HDHD2: variants seen among roughly 807,000 people sequenced by gnomAD.
The protein encoded by HDHD2 is haloacid dehalogenase like hydrolase domain containing 2, also known as haloacid dehalogenase-like hydrolase domain-containing protein 2.
HDHD2 carries 26 observed loss-of-function variants against 24.8 expected under a neutral mutation model. The observed-to-expected ratio is 1.05, with a 90% CI of 0.77 to 1.45. HDHD2 has a LOEUF of 1.45. Among genes scored for constraint, HDHD2 ranks in the 40% most tolerant of loss-of-function variants. The pLI is 0.00. For missense variants in HDHD2, 299 were observed against 313.4 expected (o/e 0.95, Z 0.35); for synonymous variants, 128 against 114.9 (o/e 1.11, Z -0.73).
chr18:47,111,255 C>G (rs748800970), intron 6 of HDHD2: 7 of 985,002 alleles, frequency 7.1e-6, no homozygotes, highest in Non-Finnish European at 8.4e-6. Flanking sequence ...AATAAAATGC[C>G]AGTCACAATA....
chr18:47,114,507 T>A (rs1243916408), intron 5 of HDHD2, among the ~76,000 whole-genome samples: 1 of 152,192 alleles, frequency 6.6e-6, no homozygotes, highest in East Asian at 1.9e-4. Flanking sequence ...CAGTGTGCTT[T>A]CCAGCTGTTT....
At chr18:47,134,760 A>C (rs2063747696) in intron 2 of HDHD2, 56 bp from the exon 3 acceptor site, 1 of 1,391,290 alleles carries the variant, frequency 7.2e-7, no homozygotes, top group Non-Finnish European at 1.0e-6. Context: ...TGGCCCTATA[A>C]AATCTCCTAA....
At chr18:47,139,282 C>G (rs1568060002) in intron 1 of HDHD2, among the ~76,000 whole-genome samples, 1 of 147,854 alleles carries the variant, frequency 6.8e-6, no homozygotes, top group Non-Finnish European at 1.5e-5. Flanking sequence ...CATGGTGAAA[C>G]CCCATCTCTA....
chr18:47,126,862 A>C (rs2063663398), intron 4 of HDHD2, among the ~76,000 whole-genome samples: 2 of 152,186 alleles, frequency 1.3e-5, no homozygotes. Context: ...TTTAAAATGA[A>C]TTTCAAAAAC....
intron 3 of HDHD2, among the ~76,000 whole-genome samples, chr18:47,132,990 T>TC (rs779911090): frequency 1.7e-4 from 26 of 152,168 alleles, no homozygotes; most frequent in Non-Finnish European, 3.5e-4. Flanking sequence ...TGACCTGTGT[T>TC]CGTTTTTTTA....
At chr18:47,145,256 A>T (rs1322096395) in intron 1 of HDHD2, among the ~76,000 whole-genome samples, 1 of 152,258 alleles carries the variant, frequency 6.6e-6, no homozygotes, top group Non-Finnish European at 1.5e-5. Flanking sequence ...TGTGAATTTG[A>T]TAAGCTGATA....
intron 4 of HDHD2, among the ~76,000 whole-genome samples, chr18:47,122,020 G>A (rs2063612085): frequency 6.6e-6 from 1 of 152,128 alleles, no homozygotes; most frequent in African/African-American, 2.4e-5. Flanking sequence ...CACTTGGCAT[G>A]ATTGGTAATC....
In HDHD2 at chr18:47,115,301, TA is replaced by T. The variant is rs752524149; in HGVS notation, c.442del (p.Tyr148IlefsTer8). The T allele has an allele frequency of 6.2e-7, 1 of 1,613,864 alleles. No homozygotes were observed. On this transcript the variant is annotated frameshift_variant, in exon 5 of 7. Coordinates refer to ENST00000300605, the MANE Select transcript of HDHD2 (RefSeq NM_032124.5). LOFTEE classifies it high-confidence loss of function. ...APLIAIHKARYYKRKDGLALG... is the reference protein window; with the variant it reads ...APLIAIHKARXYKRKDGLALG... ...GGCTAAGCCATCTTTCCTCTTGTAATACCTGGCTTTGTGGATTGCTATCAGA... is the reference window on the plus strand; with the variant it reads ...GGCTAAGCCATCTTTCCTCTTGTAATCCTGGCTTTGTGGATTGCTATCAGA...
chr18:47,118,745 A>G (rs904190318), intron 4 of HDHD2, among the ~76,000 whole-genome samples: 4 of 152,208 alleles, frequency 2.6e-5, no homozygotes, highest in Non-Finnish European at 5.9e-5. Context: ...ATAAATTTAG[A>G]GCCACAGAAT....
intron 2 of HDHD2, among the ~76,000 whole-genome samples, chr18:47,135,262 T>C (rs541429481): frequency 6.4e-4 from 84 of 130,280 alleles, no homozygotes; most frequent in South Asian, 4.6e-3. Context: ...TTTTTTCTTT[T>C]TTTTTTTTTT....
intron 1 of HDHD2, among the ~76,000 whole-genome samples, chr18:47,145,847 G>A (rs981289811): frequency 4.6e-5 from 7 of 152,152 alleles, no homozygotes; most frequent in African/African-American, 1.2e-4. Context: ...GGGAAAAGAC[G>A]AGATTCCAGG....
chr18:47,113,725 T>C (rs566784546), intron 5 of HDHD2, among the ~76,000 whole-genome samples: 14 of 152,268 alleles, frequency 9.2e-5, no homozygotes, highest in Admixed American at 2.0e-4. Flanking sequence ...ATAAGCAGGA[T>C]TGATTCAGAC....
At chr18:47,141,325 T>C (rs2063817846) in intron 1 of HDHD2, among the ~76,000 whole-genome samples, 1 of 152,212 alleles carries the variant, frequency 6.6e-6, no homozygotes, top group Admixed American at 6.5e-5. Context: ...TACTGCTAGA[T>C]TCAAATACTA....
At chr18:47,133,330 C>CT (rs1184912305) in intron 3 of HDHD2, among the ~76,000 whole-genome samples, 1 of 151,920 alleles carries the variant, frequency 6.6e-6, no homozygotes, top group African/African-American at 2.4e-5. Flanking sequence ...TGAACTCATC[C>CT]TTTTTTATGG....
chr18:47,112,623 G>C (rs2063524287), intron 6 of HDHD2, among the ~76,000 whole-genome samples: 1 of 152,168 alleles, frequency 6.6e-6, no homozygotes, highest in Non-Finnish European at 1.5e-5. Flanking sequence ...AGTATCACAG[G>C]TATAGCCAGC....
intron 1 of HDHD2, among the ~76,000 whole-genome samples, chr18:47,147,017 G>A (rs1287755931): frequency 6.6e-6 from 1 of 152,038 alleles, no homozygotes; most frequent in African/African-American, 2.4e-5. Flanking sequence ...CTCTTCTATA[G>A]ATGATATATT....
chr18:47,108,342 C>A lies in HDHD2; in HGVS notation c.*340G>T, dbSNP rs1032044368. ...TCTTCACAGTCTGAAATCCCCCCTC[C>A]CTGTTTTCCAGTGAAGAGACAGCAG... On this transcript the variant is annotated 3_prime_UTR_variant, in exon 7 of 7. Coordinates refer to ENST00000300605, the MANE Select transcript of HDHD2 (RefSeq NM_032124.5). 1 of 199,464 alleles carries A rather than the reference C, an allele frequency of 5.0e-6. No homozygotes were observed. Among genetic ancestry groups the A allele is most frequent in the African/African-American group, 2.3e-5 (1 of 43,618 alleles). The allele number at this position is 199,464 out of a possible 1,614,324, so 12.4% of individuals were successfully genotyped here. A position where few individuals can be genotyped will look rare whatever the true frequency, so the allele number is the denominator to read the frequency against.
rs141523778 is a variant in HDHD2 at position 47,133,053 on chromosome 18, T to G, written c.310+1443A>C. Among the ~76,000 whole-genome samples, 94 of 152,292 alleles carry G rather than the reference T, an allele frequency of 6.2e-4. No homozygotes were observed. The East Asian group carries it at 0.015, about 25-fold the overall frequency. ...GGTACATGTGCTCAACATGCAGGTT[T>G]GTTACATATGTATACATGTGCCATG... On this transcript the variant is annotated intron_variant, in intron 3 of 6. Transcript: ENST00000300605.
chr18:47,118,723 C>T (rs574784454), intron 4 of HDHD2, among the ~76,000 whole-genome samples: 91 of 152,018 alleles, frequency 6.0e-4, no homozygotes, highest in Non-Finnish European at 1.1e-3. Flanking sequence ...TACTTGTACC[C>T]CGGAATTTAA....
Sources: allele counts gnomAD v4.1 joint callset (sites outside exome capture counted in the v4.1 genomes callset), GRCh38; gene constraint gnomAD v4.1.1; transcripts MANE v1.5; gene names NCBI Gene and HGNC (gene_info 2026-07-23, HGNC 2026-07-21).